PCDHA5: variants seen among roughly 807,000 people sequenced by gnomAD.
PCDHA5 encodes protocadherin alpha 5.
In PCDHA5, 43 loss-of-function variants were observed where a neutral mutation model predicts 61.6. The ratio of observed to expected loss-of-function variants is 0.70; its 90% CI spans 0.55 to 0.90. The LOEUF (loss-of-function observed/expected upper bound fraction) is 0.90. PCDHA5 is among the 40% of genes least tolerant of loss of function. The pLI, the probability that PCDHA5 is intolerant of heterozygous loss-of-function variation, is 0.00. For synonymous variants in PCDHA5, 627 were observed against 543.9 expected, an observed-to-expected ratio of 1.15 and a Z score of -2.13; for missense variants, 1,298 against 1,222.7, an observed-to-expected ratio of 1.06 and a Z score of -0.92.
intron 1 of PCDHA5, among the ~76,000 whole-genome samples, chr5:140,846,838 C>T (rs1554141511): frequency 6.7e-6 from 1 of 149,596 alleles, no homozygotes; most frequent in African/African-American, 2.5e-5. Context: ...ATATGAGTCA[C>T]ACAATGCAAG....
chr5:140,871,287 G>C (rs782751803), intron 1 of PCDHA5: 2 of 1,613,932 alleles, frequency 1.2e-6, no homozygotes, highest in Middle Eastern at 1.7e-4. Context: ...CGCCCACTGA[G>C]GGCGCGTGCG....
chr5:140,981,685 C>G lies in PCDHA5; in HGVS notation c.2412-790C>G, dbSNP rs369964011. 6.6e-4 allele frequency among the ~76,000 whole-genome samples: 101 copies of G among 152,166 alleles called. No individual in the cohort carries two copies. In the South Asian group the frequency reaches 0.018, roughly 27 times the overall value. ...TCCTTCCTTTCTTCCTTCCTCCCTT[C>G]CATCATTCATTCATTCATTCATTCA... On this transcript the variant is annotated intron_variant, in intron 2 of 3. Transcript: ENST00000529859.
chr5:140,963,717 T>C (rs2095787814), intron 1 of PCDHA5, among the ~76,000 whole-genome samples: 1 of 152,256 alleles, frequency 6.6e-6, no homozygotes, highest in Admixed American at 6.5e-5. Context: ...ATGCTACATA[T>C]AGACTGCCAA....
chr5:140,883,966 G>A, intron 1 of PCDHA5: 1 of 1,613,094 alleles, frequency 6.2e-7, no homozygotes. Flanking sequence ...CGGCGCTGCT[G>A]ACGCCCGGGG....
At chr5:140,929,051 G>A (rs1398009156) in intron 1 of PCDHA5, 2 of 1,614,170 alleles carry the variant, frequency 1.2e-6, no homozygotes, top group South Asian at 1.1e-5. Flanking sequence ...AGCTGCTGTC[G>A]CTCTACAGAG....
intron 1 of PCDHA5, among the ~76,000 whole-genome samples, chr5:140,897,200 T>C (rs1462263623): frequency 1.3e-5 from 2 of 152,172 alleles, no homozygotes; most frequent in African/African-American, 4.8e-5. Context: ...TTTTTTATTA[T>C]ACTTTAAGTT....
Position 140,821,826 on chromosome 5 carries a change from G to T in PCDHA5, c.51G>T (p.Trp17Cys), listed in dbSNP as rs1554128222. 4 of 1,613,992 alleles carry T rather than the reference G, an allele frequency of 2.5e-6. No homozygotes were observed. In the East Asian group the frequency reaches 6.7e-5, roughly 27 times the overall value. ...GSLGSRLLLL[W>C]LLLAYWKAGS... ...TGGGATCCCGGCTCCTGCTGCTCTG[G>T]CTTCTCCTTGCCTACTGGAAGGCAG... is the stretch of plus-strand genomic sequence containing the variant. The change falls in exon 1 of 4, where the codon TGG (tryptophan) becomes TGT (cysteine). Residue 17 changes from tryptophan to cysteine, a missense_variant. By Grantham distance (215) the Trp-to-Cys change is radical (BLOSUM62 -2). Coordinates refer to ENST00000529859, the MANE Select transcript of PCDHA5 (RefSeq NM_018908.3).
rs373471484 is a variant in PCDHA5, at chr5:140,997,017, TA to T, written c.2501-12609del. 5.1e-4 allele frequency among the ~76,000 whole-genome samples: 78 copies of T among 152,304 alleles called. No individual in the cohort carries two copies. The South Asian group carries it at 0.011, about 21-fold the overall frequency. ...TAACAATTTTGTGTGTATCCTCCAA[TA>T]TTTTTTTGAAATTAATGAACTTTAC... On this transcript the variant is annotated intron_variant, in intron 3 of 3. Transcript: ENST00000529859.
chr5:140,951,084 T>C (rs190031878), intron 1 of PCDHA5, among the ~76,000 whole-genome samples: 2 of 152,168 alleles, frequency 1.3e-5, no homozygotes, highest in African/African-American at 4.8e-5. Context: ...ATATTTTCCT[T>C]TTTTTCTGAT....
At chr5:140,836,668 A>T in intron 1 of PCDHA5, 1 of 1,613,338 alleles carries the variant, frequency 6.2e-7, no homozygotes, top group Non-Finnish European at 8.5e-7. Context: ...TGCTCTGGGG[A>T]GGGCCCACCC....
At chr5:140,969,112 A>G (rs781784282) in intron 1 of PCDHA5, 4 of 1,614,022 alleles carry the variant, frequency 2.5e-6, no homozygotes, top group Admixed American at 3.3e-5. Context: ...TTGAAGTTCG[A>G]GGGAATGGCT....
chr5:140,848,487 G>T (rs2150411102), intron 1 of PCDHA5: 1 of 1,574,380 alleles, frequency 6.4e-7, no homozygotes, highest in Non-Finnish European at 8.7e-7. Context: ...AGAAGACTGA[G>T]TATTTGAAAT....
intron 1 of PCDHA5, chr5:140,967,632 A>G (rs371201664): frequency 1.9e-5 from 31 of 1,614,028 alleles, no homozygotes; most frequent in Admixed American, 1.7e-4. Context: ...GAGGGCTCCA[A>G]TGGTGAGCTC....
In PCDHA5 at chr5:140,870,728, C is replaced by G. The variant is rs531202250; in HGVS notation, c.2352+46601C>G. On this transcript the variant is annotated intron_variant, in intron 1 of 3. Transcript: ENST00000529859. Reference sequence around the variant, plus strand: ...GTGAGCGCGCGCGATGCGGGCGTGCCGCCTCTGAGCAGCAACGTGACGCTG... The same window carrying G: ...GTGAGCGCGCGCGATGCGGGCGTGCGGCCTCTGAGCAGCAACGTGACGCTG... The G allele has an allele frequency of 5.0e-6, 8 of 1,613,220 alleles. No individual in the cohort carries two copies. The East Asian group carries it at 6.7e-5, about 13-fold the overall frequency.
chr5:140,904,911 G>A (rs2153487307), intron 1 of PCDHA5, among the ~76,000 whole-genome samples: 1 of 152,172 alleles, frequency 6.6e-6, no homozygotes, highest in African/African-American at 2.4e-5. Flanking sequence ...TTACTGATTT[G>A]TTTGACTTCC....
chr5:140,858,574 T>C (rs1415497561), intron 1 of PCDHA5: 12 of 1,357,674 alleles, frequency 8.8e-6, no homozygotes, highest in Non-Finnish European at 1.0e-5. Context: ...GTGATACCTT[T>C]GTAATATAAT....
In PCDHA5 at chr5:140,862,844, C is replaced by T. The variant is rs782433146; in HGVS notation, c.2352+38717C>T. 8 of 571,262 alleles carry T rather than the reference C, an allele frequency of 1.4e-5. No homozygotes were observed. In the East Asian group the frequency reaches 3.8e-4, roughly 27 times the overall value. The allele number at this position is 571,262 out of a possible 1,614,324, so 35.4% of individuals were successfully genotyped here. ...AGAGCGCGCGACGCGGGCATGCCGC[C>T]TCTGAGCAGCAATGTGACGCTGCCA... is the stretch of plus-strand genomic sequence containing the variant. On this transcript the variant is annotated intron_variant, in intron 1 of 3. Coordinates refer to ENST00000529859, the MANE Select transcript of PCDHA5 (RefSeq NM_018908.3).
At chr5:140,968,852 A>G (rs1554231175) in intron 1 of PCDHA5, 1 of 1,614,196 alleles carries the variant, frequency 6.2e-7, no homozygotes, top group Non-Finnish European at 8.5e-7. Flanking sequence ...GAGGCATGTT[A>G]AGAGCCCTCG....
chr5:140,995,764 G>C (rs2097697128), intron 3 of PCDHA5, among the ~76,000 whole-genome samples: 1 of 152,134 alleles, frequency 6.6e-6, no homozygotes, highest in Non-Finnish European at 1.5e-5. Flanking sequence ...AGAAAATGTG[G>C]AGAGTGAAGG....
Sources: allele counts gnomAD v4.1 joint callset (sites outside exome capture counted in the v4.1 genomes callset), GRCh38; gene constraint gnomAD v4.1.1; transcripts MANE v1.5; gene names NCBI Gene and HGNC (gene_info 2026-07-23, HGNC 2026-07-21).